The following NRG1 variants were observed in gnomAD, a reference collection of about 807,000 sequenced individuals.
NRG1 encodes neuregulin 1.
A neutral mutation model predicts 63.8 loss-of-function variants in NRG1; 18 were observed. That is an observed-to-expected ratio of 0.28 (90% CI 0.19 to 0.42). NRG1 has a LOEUF of 0.42. Among genes scored for constraint, NRG1 ranks in the 10% least tolerant of loss-of-function variants. NRG1 has a pLI of 1.00. For missense variants in NRG1, 762 were observed against 814.7 expected, an observed-to-expected ratio of 0.94 and a Z score of 0.79; for synonymous variants, 302 against 301.3, an observed-to-expected ratio of 1.00 and a Z score of -0.02.
intron 11 of NRG1, among the ~76,000 whole-genome samples, chr8:32,762,129 G>A (rs1011876989): frequency 3.3e-5 from 5 of 150,892 alleles, no homozygotes; most frequent in South Asian, 2.1e-4. Flanking sequence ...ATTTTAGAAC[G>A]TTATGGAATT....
At chr8:32,751,003 T>C (rs1828618789) in intron 7 of NRG1, 2 of 152,136 alleles carry the variant, frequency 1.3e-5, no homozygotes. Context: ...TAACAGCATA[T>C]TTCTCATTTT....
chr8:31,941,042 A>G (rs1217631346), intron 1 of NRG1, among the ~76,000 whole-genome samples: 1 of 151,288 alleles, frequency 6.6e-6, no homozygotes, highest in African/African-American at 2.4e-5. Flanking sequence ...TACTCTCTAA[A>G]TCAATCTACA....
At chr8:32,556,484 A>T (rs1835193362) in intron 1 of NRG1, among the ~76,000 whole-genome samples, 1 of 152,194 alleles carries the variant, frequency 6.6e-6, no homozygotes, top group African/African-American at 2.4e-5. Flanking sequence ...TTGTTATTGC[A>T]CCTTATCTTA....
intron 1 of NRG1, among the ~76,000 whole-genome samples, chr8:32,435,414 A>T (rs2347499): frequency 0.34 from 52,338 of 152,092 alleles, 9,486 homozygotes; most frequent in East Asian, 0.74. Flanking sequence ...AATGAATTAG[A>T]GGCTTTGTGT....
At chr8:31,928,235 C>T (rs1361480481) in intron 1 of NRG1, among the ~76,000 whole-genome samples, 3 of 151,010 alleles carry the variant, frequency 2.0e-5, no homozygotes, top group African/African-American at 2.4e-5. Context: ...GTGCTGTTGG[C>T]CATCACTAAT....
chr8:31,865,315 ACC>A (rs1828854827), intron 1 of NRG1, among the ~76,000 whole-genome samples: 1 of 151,968 alleles, frequency 6.6e-6, no homozygotes. Context: ...AAGACAGAAC[ACC>A]CCCTTTCCAG....
chr8:32,503,288 G>GAAAAAAAAAAAAA (rs60857610), intron 1 of NRG1, among the ~76,000 whole-genome samples: 1 of 54,862 alleles, frequency 1.8e-5, no homozygotes, highest in Non-Finnish European at 3.4e-5. Context: ...CTCTGTCTCA[G>GAAAAAAAAAAAAA]AAAAAAAAAA....
chr8:32,433,655 G>T (rs183819462), intron 1 of NRG1, among the ~76,000 whole-genome samples: 50 of 152,158 alleles, frequency 3.3e-4, no homozygotes, highest in African/African-American at 1.1e-3. Flanking sequence ...CTTGTAAAGG[G>T]TATTGTTTCG....
chr8:31,842,602 C>A (rs1011051937), intron 1 of NRG1, among the ~76,000 whole-genome samples: 1 of 152,136 alleles, frequency 6.6e-6, no homozygotes, highest in Non-Finnish European at 1.5e-5. Flanking sequence ...CTCCTTCCTG[C>A]ACTTTTATCA....
rs953591279 is a variant in NRG1, at chr8:32,548,488, G to A, written c.-239G>A. ...GGACCCATCGACGACTTCCCGGGGC[G>A]ACAGGAGCAGCCCCGAGAGCCAGGG... is the stretch of plus-strand genomic sequence containing the variant. On this transcript the variant is annotated 5_prime_UTR_variant, in exon 1 of 12. Coordinates refer to ENST00000356819, the Ensembl canonical transcript of NRG1. 7 of 1,200,338 alleles carry A rather than the reference G, an allele frequency of 5.8e-6. No individual in the cohort carries two copies. In the African/African-American group the frequency reaches 9.6e-5, roughly 16 times the overall value. The allele number at this position is 1,200,338 out of a possible 1,614,324, so 74.4% of individuals were successfully genotyped here.
intron 1 of NRG1, among the ~76,000 whole-genome samples, chr8:32,238,006 T>A (rs1218267951): frequency 6.6e-6 from 1 of 152,194 alleles, no homozygotes; most frequent in African/African-American, 2.4e-5. Context: ...AATACAGCAA[T>A]TGCCAAAGTA....
At chr8:32,177,864 G>A (rs1467624169) in intron 1 of NRG1, among the ~76,000 whole-genome samples, 1 of 152,016 alleles carries the variant, frequency 6.6e-6, no homozygotes, top group Non-Finnish European at 1.5e-5. Flanking sequence ...AGGGGGTGTG[G>A]TGCCTTGCAC....
chr8:32,028,684 T>C (rs1309211803), intron 1 of NRG1, among the ~76,000 whole-genome samples: 2 of 152,210 alleles, frequency 1.3e-5, no homozygotes, highest in South Asian at 2.1e-4. Flanking sequence ...TTAATAACTA[T>C]AGATTTTAAT....
chr8:32,242,690 T>A (rs1848226623), intron 1 of NRG1, among the ~76,000 whole-genome samples: 1 of 152,190 alleles, frequency 6.6e-6, no homozygotes, highest in Non-Finnish European at 1.5e-5. Context: ...GAATCAGAAG[T>A]AAATAGCCAT....
At chr8:32,242,653 A>G (rs1435936861) in intron 1 of NRG1, among the ~76,000 whole-genome samples, 3 of 152,184 alleles carry the variant, frequency 2.0e-5, no homozygotes, top group Admixed American at 1.3e-4. Flanking sequence ...ATTTTGCACC[A>G]ACCTAATATT....
At chr8:32,236,384 C>T (rs1014424339) in intron 1 of NRG1, among the ~76,000 whole-genome samples, 7 of 152,106 alleles carry the variant, frequency 4.6e-5, no homozygotes, top group African/African-American at 1.7e-4. Context: ...TCTATAAATA[C>T]TATATCTGCT....
intron 1 of NRG1, among the ~76,000 whole-genome samples, chr8:31,928,323 A>T (rs1006619905): frequency 6.7e-6 from 1 of 148,898 alleles, no homozygotes; most frequent in Non-Finnish European, 1.5e-5. Context: ...GTGAAAAGTC[A>T]AAAAACATAG....
At chr8:31,813,924 A>G (rs1823184794) in intron 1 of NRG1, among the ~76,000 whole-genome samples, 1 of 152,138 alleles carries the variant, frequency 6.6e-6, no homozygotes. Context: ...CATTCATTTC[A>G]CAAATTAATA....
intron 1 of NRG1, among the ~76,000 whole-genome samples, chr8:31,744,167 C>A (rs1418788417): frequency 6.6e-6 from 1 of 151,898 alleles, no homozygotes; most frequent in Admixed American, 6.6e-5. Context: ...AGCCTCTGCT[C>A]TGAGCTCTGT....
Sources: allele counts gnomAD v4.1 joint callset (sites outside exome capture counted in the v4.1 genomes callset), GRCh38; gene constraint gnomAD v4.1.1; transcripts MANE v1.5; gene names NCBI Gene and HGNC (gene_info 2026-07-23, HGNC 2026-07-21).